ARID4B: variants seen among roughly 807,000 people sequenced by gnomAD.
The protein encoded by ARID4B is AT-rich interactive domain-containing protein 4B.
A neutral mutation model predicts 147.5 loss-of-function variants in ARID4B; 26 were observed. That is an observed-to-expected ratio of 0.18 (90% confidence interval 0.13 to 0.24). The LOEUF (loss-of-function observed/expected upper bound fraction) is 0.24, where lower values mean the gene tolerates loss of function less well. Among genes scored for constraint, ARID4B ranks in the 10% least tolerant of loss-of-function variants. The pLI is 1.00. For synonymous variants in ARID4B, 512 were observed against 507.9 expected (o/e 1.01, Z -0.11); for missense variants, 1,179 against 1,511.5 (o/e 0.78, Z 3.65).
intron 13 of ARID4B, 63 bp downstream of exon 13, chr1:235,223,103 T>C: frequency 1.8e-6 from 2 of 1,089,798 alleles, no homozygotes; most frequent in Non-Finnish European, 2.7e-6. Context: ...ATTTCAGAGA[T>C]GGCAGATACC....
At position 235,236,828 on chromosome 1, in the gene ARID4B, T is replaced by TAAAA. The variant is rs767176715; in HGVS notation, c.586-2340_586-2337dup. 9.1e-3 allele frequency among the ~76,000 whole-genome samples: 420 copies of TAAAA among 46,140 alleles called. 2 individuals carry two copies. Among genetic ancestry groups the TAAAA allele is most frequent in the East Asian group, 0.036 (22 of 606 alleles). 30.3% of individuals were successfully genotyped at this position (46,140 alleles called of 152,430 possible). A position where few individuals can be genotyped will look rare whatever the true frequency, so the allele number is the denominator to read the frequency against. On this transcript the variant is annotated intron_variant, in intron 8 of 23. Transcript: ENST00000264183. ...GCGCCTGGCCCACAAAACGGTTTTA[T>TAAAA]AAAAAATATATATATATATATATAT...
At chr1:235,239,005 G>A (rs1159016102) in intron 8 of ARID4B, among the ~76,000 whole-genome samples, 3 of 149,374 alleles carry the variant, frequency 2.0e-5, no homozygotes, top group African/African-American at 7.4e-5. Context: ...TTTTTTGAGA[G>A]GGAATCTTGC....
Position 235,176,890 on chromosome 1 carries a change from T to G in ARID4B, c.3448+910A>C, listed in dbSNP as rs745956438. On this transcript the variant is annotated intron_variant, in intron 21 of 23. Coordinates refer to ENST00000264183, the MANE Select transcript of ARID4B (RefSeq NM_016374.6). ...AGTCTCCTGGAAGAGCAGCAGGAGG[T>G]CAGTGTGGGGCACCTGAAAAAAAAT... 15 of 470,602 alleles carry G rather than the reference T, an allele frequency of 3.2e-5. 1 individual carries two copies. The highest frequency in any genetic ancestry group is 2.3e-4 in the South Asian group (15 of 64,562). The allele number at this position is 470,602 out of a possible 1,614,324, so 29.2% of individuals were successfully genotyped here.
At chr1:235,194,775 C>T (rs566977603) in intron 18 of ARID4B, among the ~76,000 whole-genome samples, 6 of 152,078 alleles carry the variant, frequency 3.9e-5, no homozygotes, top group East Asian at 3.9e-4. Flanking sequence ...GCCAAGATCG[C>T]GCCATTGCAC....
chr1:235,259,710 T>C (rs1190418052), intron 3 of ARID4B, among the ~76,000 whole-genome samples: 2 of 152,222 alleles, frequency 1.3e-5, no homozygotes, highest in Non-Finnish European at 2.9e-5. Context: ...CAATGGTTCC[T>C]AACCAGGAGT....
intron 18 of ARID4B, among the ~76,000 whole-genome samples, chr1:235,195,578 C>T (rs1023233314): frequency 1.4e-5 from 2 of 147,198 alleles, no homozygotes; most frequent in Non-Finnish European, 3.0e-5. Flanking sequence ...GGCAACAGAG[C>T]GAGACTCTGT....
In ARID4B at chr1:235,221,645, A is replaced by C. The variant is rs1284433236; in HGVS notation, c.1083T>G (p.Val361=). 1 of 1,607,254 alleles carries C rather than the reference A, an allele frequency of 6.2e-7. No individual in the cohort carries two copies. The highest frequency in any genetic ancestry group is 8.5e-7 in the Non-Finnish European group (1 of 1,174,818). Residue 361 remains valine (V), a synonymous_variant, in exon 14 of 24, where the codon GTT becomes GTG. Coordinates refer to ENST00000264183, the MANE Select transcript of ARID4B (RefSeq NM_016374.6). The part of the protein sequence containing the change: ...GGFDNIESGA[V]WKQVYQDLGI... ...CAAGATCTTGGTAGACTTGTTTCCA[A>C]ACAGCTCCACTTTCAATCTAATGGA...
intron 2 of ARID4B, among the ~76,000 whole-genome samples, chr1:235,303,088 T>C (rs1673300776): frequency 6.6e-6 from 1 of 151,592 alleles, no homozygotes. Context: ...CACACCCGGC[T>C]AATTTTTTGT....
chr1:235,269,055 G>C (rs1012354039), intron 2 of ARID4B, among the ~76,000 whole-genome samples: 4 of 152,110 alleles, frequency 2.6e-5, no homozygotes, highest in African/African-American at 9.7e-5. Context: ...ATGTCAAACT[G>C]ATCAACTTAA....
intron 2 of ARID4B, among the ~76,000 whole-genome samples, chr1:235,269,926 TTTTG>T (rs1670864234): frequency 1.3e-5 from 2 of 152,146 alleles, no homozygotes; most frequent in African/African-American, 4.8e-5. Flanking sequence ...AATTGCTCAT[TTTTG>T]TTTTTGTTTT....
chr1:235,318,404 C>T (rs1361023129), intron 2 of ARID4B, among the ~76,000 whole-genome samples: 3 of 151,928 alleles, frequency 2.0e-5, no homozygotes, highest in Non-Finnish European at 2.9e-5. Flanking sequence ...GAACTCCTGA[C>T]ATCGTGATCC....
intron 2 of ARID4B, among the ~76,000 whole-genome samples, chr1:235,321,336 T>A (rs1396753851): frequency 6.6e-6 from 1 of 152,134 alleles, no homozygotes; most frequent in African/African-American, 2.4e-5. Context: ...AGATATGAGG[T>A]TAACATTCAC....
intron 2 of ARID4B, among the ~76,000 whole-genome samples, chr1:235,309,307 C>T (rs1270371512): frequency 2.2e-5 from 3 of 138,578 alleles, no homozygotes; most frequent in African/African-American, 8.2e-5. Flanking sequence ...AGTGAGGAGC[C>T]CCTCCGCCCG....
intron 21 of ARID4B, among the ~76,000 whole-genome samples, chr1:235,176,335 A>T (rs1409169840): frequency 1.3e-5 from 2 of 150,894 alleles, no homozygotes; most frequent in Admixed American, 1.3e-4. Flanking sequence ...AAAACATCAC[A>T]GTGAAAGAAA....
intron 8 of ARID4B, among the ~76,000 whole-genome samples, chr1:235,237,615 A>C (rs1407150402): frequency 1.3e-5 from 2 of 152,226 alleles, no homozygotes; most frequent in African/African-American, 4.8e-5. Flanking sequence ...GTAAAAACAA[A>C]GGTAGTTCTA....
intron 2 of ARID4B, among the ~76,000 whole-genome samples, chr1:235,292,230 C>G (rs1672387130): frequency 6.6e-6 from 1 of 152,168 alleles, no homozygotes; most frequent in Non-Finnish European, 1.5e-5. Flanking sequence ...CCTACAGAAA[C>G]TTTGCATCCT....
At chr1:235,247,435 C>T (rs191478554) in intron 6 of ARID4B, among the ~76,000 whole-genome samples, 6 of 152,082 alleles carry the variant, frequency 3.9e-5, no homozygotes, top group Admixed American at 3.3e-4. Flanking sequence ...AAAGATGAAC[C>T]ATATTAACAC....
intron 11 of ARID4B, among the ~76,000 whole-genome samples, chr1:235,226,489 T>C (rs1667837616): frequency 6.6e-6 from 1 of 151,778 alleles, no homozygotes; most frequent in Admixed American, 6.6e-5. Flanking sequence ...GCCTCCCTAG[T>C]AGCTGGGATA....
chr1:235,271,958 T>C (rs1328742370), intron 2 of ARID4B, among the ~76,000 whole-genome samples: 1 of 119,980 alleles, frequency 8.3e-6, no homozygotes, highest in Non-Finnish European at 1.8e-5. Flanking sequence ...CAAAAAGTAA[T>C]AATAATAATA....
Sources: allele counts gnomAD v4.1 joint callset (sites outside exome capture counted in the v4.1 genomes callset), GRCh38; gene constraint gnomAD v4.1.1; transcripts MANE v1.5; gene names NCBI Gene and HGNC (gene_info 2026-07-23, HGNC 2026-07-21).